Variants in CDC6 observed in about 807,000 individuals in gnomAD.
CDC6 encodes cell division cycle 6.
In CDC6, 46 loss-of-function variants were observed where a neutral mutation model predicts 60.2. The ratio of observed to expected loss-of-function variants is 0.76; its 90% CI spans 0.60 to 0.98. CDC6 has a LOEUF of 0.98. CDC6 is among the 50% of genes least tolerant of loss of function. The pLI is 0.00. For missense variants in CDC6, 596 were observed against 652.9 expected, an observed-to-expected ratio of 0.91 and a Z score of 0.95; for synonymous variants, 210 against 233.2, an observed-to-expected ratio of 0.90 and a Z score of 0.90.
In CDC6 at chr17:40,294,882, G is replaced by A. The variant is rs138488274; in HGVS notation, c.1083+379G>A. Among the ~76,000 whole-genome samples the A allele has an allele frequency of 1.3e-3, 193 of 152,036 alleles. 2 individuals are homozygous for A. The highest frequency in any genetic ancestry group is 4.5e-3 in the African/African-American group (185 of 41,482). On this transcript the variant is annotated intron_variant, in intron 7 of 11. Coordinates refer to ENST00000209728, the MANE Select transcript of CDC6 (RefSeq NM_001254.4). ...TAGGACTACAGGCACCTGCCACCACGCCCAGCTAATTGTTGTATTTTTAGT... is the reference window on the plus strand; with the variant it reads ...TAGGACTACAGGCACCTGCCACCACACCCAGCTAATTGTTGTATTTTTAGT...
chr17:40,297,091 A>G (rs2032869864), intron 9 of CDC6, among the ~76,000 whole-genome samples: 1 of 152,120 alleles, frequency 6.6e-6, no homozygotes, highest in Admixed American at 6.5e-5. Context: ...CGTGCACTTT[A>G]GGTCTCAATA....
intron 11 of CDC6, 31 bp from the exon 12 acceptor site, chr17:40,301,881 A>G (rs754409627): frequency 2.9e-6 from 4 of 1,370,280 alleles, no homozygotes; most frequent in Non-Finnish European, 4.2e-6. Flanking sequence ...TGAGTTCCCC[A>G]GTGTGAAAAA....
At chr17:40,296,612 CA>C in intron 8 of CDC6, 90 bp from the exon 9 acceptor site, 1 of 757,726 alleles carries the variant, frequency 1.3e-6, no homozygotes, top group African/African-American at 1.7e-5. Context: ...AGTCTTTGAG[CA>C]ATGGTCATTA....
intron 10 of CDC6, 73 bp from the exon 11 acceptor site, chr17:40,301,395 G>T: frequency 6.7e-7 from 1 of 1,493,290 alleles, no homozygotes; most frequent in Non-Finnish European, 9.3e-7. Context: ...CCAGACTCAG[G>T]TTTCTTAAAT....
intron 10 of CDC6, 127 bp downstream of exon 10, chr17:40,301,157 A>G (rs1267573510): frequency 1.9e-5 from 15 of 771,868 alleles, no homozygotes; most frequent in Non-Finnish European, 3.0e-5. Context: ...AACAGTAAGA[A>G]TTAATACTGG....
chr17:40,294,849 C>T (rs2032835503), intron 7 of CDC6, among the ~76,000 whole-genome samples: 1 of 151,936 alleles, frequency 6.6e-6, no homozygotes, highest in African/African-American at 2.4e-5. Context: ...CTCAGCCTCC[C>T]CAGTAGCTAG....
intron 10 of CDC6, 133 bp from the exon 11 acceptor site, chr17:40,301,335 T>C: frequency 1.1e-6 from 1 of 879,950 alleles, no homozygotes. Context: ...TGTTCAAAGA[T>C]TTTATTGAAA....
chr17:40,291,074 C>A lies in CDC6; in HGVS notation c.195C>A (p.Cys65Ter). The A allele has an allele frequency of 6.2e-7, 1 of 1,614,130 alleles. No individual in the cohort carries two copies. Among genetic ancestry groups the A allele is most frequent in the Non-Finnish European group, 8.5e-7 (1 of 1,179,988 alleles). The change falls in exon 3 of 12, where the codon TGC (cysteine) becomes TGA (stop). Residue 65 changes from cysteine (C) to a stop codon, truncating the protein, a stop_gained. Transcript: ENST00000209728. LOFTEE classifies it high-confidence loss of function. Reference sequence around the variant, plus strand: ...GTGTTTCAGGCGATGACAACCTATGCAACACTCCCCATTTACCTCCTTGTT... The same window carrying A: ...GTGTTTCAGGCGATGACAACCTATGAAACACTCCCCATTTACCTCCTTGTT... ...PRKRLGDDNL[C>*]NTPHLPPCSP...
chr17:40,291,733 G>GT lies in CDC6; in HGVS notation c.660+68dup, dbSNP rs551469349. 7.8e-5 allele frequency: 117 copies of GT among 1,506,858 alleles called. No individual in the cohort carries two copies. In the East Asian group the frequency reaches 2.5e-3, roughly 33 times the overall value. 93.3% of individuals were successfully genotyped at this position (1,506,858 alleles called of 1,614,324 possible). ...GATACTTGGGTGTTTTTGTTTGTTT[G>GT]TTTGTTTTGTTTTGTTTTGTTTTGT... is the stretch of plus-strand genomic sequence containing the variant. On this transcript the variant is annotated intron_variant, in intron 4 of 11. Transcript: ENST00000209728.
chr17:40,289,637 GT>G, intron 2 of CDC6, 39 bp downstream of exon 2: 2 of 1,540,466 alleles, frequency 1.3e-6, no homozygotes, highest in Non-Finnish European at 1.8e-6. Flanking sequence ...CTAGCAGCTC[GT>G]GACCTTTCTT....
intron 7 of CDC6, 27 bp downstream of exon 7, chr17:40,294,530 A>T (rs999089839): frequency 6.2e-7 from 1 of 1,610,536 alleles, no homozygotes; most frequent in Non-Finnish European, 8.5e-7. Flanking sequence ...TTGCCAAATT[A>T]TGTGTTCCTT....
At chr17:40,298,305 G>A (rs2032888541) in intron 9 of CDC6, among the ~76,000 whole-genome samples, 1 of 151,906 alleles carries the variant, frequency 6.6e-6, no homozygotes, top group Non-Finnish European at 1.5e-5. Flanking sequence ...GCCCCTGTGA[G>A]CACCACTAAC....
intron 4 of CDC6, 144 bp from the exon 5 acceptor site, chr17:40,293,312 A>G: frequency 1.5e-6 from 1 of 667,108 alleles, no homozygotes. Context: ...AAAATAAAAC[A>G]TTTGTAATTT....
chr17:40,297,908 T>C (rs2032880346), intron 9 of CDC6, among the ~76,000 whole-genome samples: 1 of 152,234 alleles, frequency 6.6e-6, no homozygotes, highest in Admixed American at 6.5e-5. Flanking sequence ...TAATATTCCA[T>C]TCCCTCAGCC....
At chr17:40,298,949 C>G (rs1384264521) in intron 9 of CDC6, among the ~76,000 whole-genome samples, 2 of 151,956 alleles carry the variant, frequency 1.3e-5, no homozygotes, top group African/African-American at 4.8e-5. Context: ...GATTCTTTTA[C>G]TTGATCTGTG....
chr17:40,295,539 T>C lies in CDC6; in HGVS notation c.1184+83T>C. 3.1e-6 allele frequency: 3 copies of C among 979,872 alleles called. No individual in the cohort carries two copies. In the East Asian group the frequency reaches 7.2e-5, roughly 24 times the overall value. The allele number at this position is 979,872 out of a possible 1,614,324, so 60.7% of individuals were successfully genotyped here. A position where few individuals can be genotyped will look rare whatever the true frequency, so the allele number is the denominator to read the frequency against. On this transcript the variant is annotated intron_variant, in intron 8 of 11. Coordinates refer to ENST00000209728, the MANE Select transcript of CDC6 (RefSeq NM_001254.4). ...AATTGTCTCATGTAACTCAAGTGAA[T>C]GTGGCTTAAGAGGCTCTGTTCTGCT...
intron 10 of CDC6, 86 bp downstream of exon 10, chr17:40,301,116 T>G: frequency 1.1e-6 from 1 of 905,582 alleles, no homozygotes; most frequent in South Asian, 1.3e-5. Context: ...CCTATGATAC[T>G]TCAGCTGATA....
intron 11 of CDC6, 151 bp downstream of exon 11, chr17:40,301,759 G>T (rs1445299825): frequency 4.0e-5 from 38 of 938,732 alleles, no homozygotes; most frequent in South Asian, 6.7e-5. Context: ...AGATGGGAGT[G>T]TGATATGAAT....
intron 2 of CDC6, among the ~76,000 whole-genome samples, chr17:40,290,373 G>A (rs2032736206): frequency 6.6e-6 from 1 of 152,148 alleles, no homozygotes; most frequent in Non-Finnish European, 1.5e-5. Context: ...ACAGCTGGGG[G>A]TTGCTACTGG....
Sources: allele counts gnomAD v4.1 joint callset (sites outside exome capture counted in the v4.1 genomes callset), GRCh38; gene constraint gnomAD v4.1.1; transcripts MANE v1.5; gene names NCBI Gene and HGNC (gene_info 2026-07-23, HGNC 2026-07-21).